The following PEAK1 variants were observed in gnomAD, a reference collection of about 807,000 sequenced individuals.
PEAK1 encodes the protein inactive tyrosine-protein kinase PEAK1.
Under a neutral mutation model 124.7 loss-of-function variants are expected in PEAK1, and 54 were observed. The ratio of observed to expected loss-of-function variants is 0.43; its 90% CI spans 0.35 to 0.54. The LOEUF is 0.54. Among genes scored for constraint, PEAK1 ranks in the 20% least tolerant of loss-of-function variants. The probability of loss-of-function intolerance (pLI) is 0.01; values close to 1 mark genes in which losing one functional copy is unlikely to be tolerated. For synonymous variants in PEAK1, 719 were observed against 760.0 expected (o/e 0.95, Z 0.89); for missense variants, 2,046 against 2,134.5 (o/e 0.96, Z 0.82).
At chr15:77,324,418 C>G (rs925388810) in intron 2 of PEAK1, among the ~76,000 whole-genome samples, 6 of 152,128 alleles carry the variant, frequency 3.9e-5, no homozygotes, top group African/African-American at 1.4e-4. Flanking sequence ...AAGGCGGAGG[C>G]TGCTGTGAGC....
chr15:77,397,734 G>A lies in PEAK1; in HGVS notation c.-666+22272C>T, dbSNP rs757053401. 2.4e-4 allele frequency among the ~76,000 whole-genome samples: 37 copies of A among 152,168 alleles called. 1 individual carries two copies. Among genetic ancestry groups the A allele is most frequent in the Non-Finnish European group, 7.4e-5 (5 of 67,990 alleles). ...CAACCTACAAAGATTGAATCATGAAGAAACCCAAAACCTGAACAGACCAAT... is the reference window on the plus strand; with the variant it reads ...CAACCTACAAAGATTGAATCATGAAAAAACCCAAAACCTGAACAGACCAAT... On this transcript the variant is annotated intron_variant, in intron 1 of 9. Transcript: ENST00000682557.
chr15:77,154,802 T>G (rs1226619457), intron 8 of PEAK1, among the ~76,000 whole-genome samples: 1 of 152,022 alleles, frequency 6.6e-6, no homozygotes, highest in African/African-American at 2.4e-5. Flanking sequence ...TTAAGAATGT[T>G]GAATATTGGC....
At chr15:77,239,219 G>C (rs11072646) in intron 6 of PEAK1, among the ~76,000 whole-genome samples, 3 of 152,224 alleles carry the variant, frequency 2.0e-5, no homozygotes, top group Non-Finnish European at 4.4e-5. Context: ...TTTACTATAC[G>C]TTCCCTTCTA....
chr15:77,104,855 A>G (rs1389865767), downstream of PEAK1: 2 of 152,218 alleles, frequency 1.3e-5, no homozygotes, highest in Non-Finnish European at 2.9e-5. Context: ...ACCTCACCAG[A>G]TTGTGAAGAT....
chr15:77,416,378 C>T (rs895728438), intron 1 of PEAK1, among the ~76,000 whole-genome samples: 2 of 152,152 alleles, frequency 1.3e-5, no homozygotes, highest in Non-Finnish European at 2.9e-5. Flanking sequence ...GTTAATAATA[C>T]TTCCTAAATC....
At position 77,272,662 on chromosome 15, in the gene PEAK1, CT is replaced by C. The variant is rs574545502; in HGVS notation, c.-275+11220del. Among the ~76,000 whole-genome samples, 243 of 152,216 alleles carry C rather than the reference CT, an allele frequency of 1.6e-3. 2 individuals are homozygous for C. Among genetic ancestry groups the C allele is most frequent in the African/African-American group, 5.7e-3 (237 of 41,542 alleles). On this transcript the variant is annotated intron_variant, in intron 5 of 9. Transcript: ENST00000682557. ...AGTCCAGGACTAGATGGATTCACAG[CT>C]GAATTCTATCAGACATTTAAAGAAG... is the stretch of plus-strand genomic sequence containing the variant.
intron 2 of PEAK1, among the ~76,000 whole-genome samples, chr15:77,322,943 G>C (rs997711893): frequency 1.3e-5 from 2 of 152,214 alleles, no homozygotes; most frequent in Non-Finnish European, 1.5e-5. Flanking sequence ...CCATGATCAA[G>C]AGGGCTTCAT....
chr15:77,334,078 T>G (rs1427399081), intron 2 of PEAK1: 1 of 801,008 alleles, frequency 1.2e-6, no homozygotes, highest in Non-Finnish European at 1.5e-6. Flanking sequence ...TATGTTATCC[T>G]GTAAGGTTTT....
intron 1 of PEAK1, among the ~76,000 whole-genome samples, chr15:77,410,698 T>C (rs957369200): frequency 1.3e-5 from 2 of 152,236 alleles, no homozygotes; most frequent in Admixed American, 6.5e-5. Flanking sequence ...ACTCAATGCA[T>C]TGGCTCTTTC....
rs191615504 is a variant in PEAK1, at chr15:77,343,765, T to C, written c.-603+21398A>G. The stretch of plus-strand genomic sequence containing the variant: ...CCTCCCAAAGTGCTGGGATTACAGG[T>C]GTGAGAAACCGCGCCGGCCTTATCT... On this transcript the variant is annotated intron_variant, in intron 2 of 9. Transcript: ENST00000682557. Among the ~76,000 whole-genome samples the C allele has an allele frequency of 2.8e-4, 42 of 152,000 alleles. 1 individual carries two copies. Among genetic ancestry groups the C allele is most frequent in the African/African-American group, 9.7e-4 (40 of 41,440 alleles).
At chr15:77,117,570 C>T (rs1288731036) in intron 9 of PEAK1, among the ~76,000 whole-genome samples, 10 of 152,090 alleles carry the variant, frequency 6.6e-5, no homozygotes, top group South Asian at 4.1e-4. Flanking sequence ...TTTTGAGTCC[C>T]GACAGCCACC....
At chr15:77,184,306 T>C (rs1005534253) in intron 6 of PEAK1, among the ~76,000 whole-genome samples, 3 of 152,012 alleles carry the variant, frequency 2.0e-5, no homozygotes, top group Admixed American at 2.0e-4. Flanking sequence ...TAAAATAAAA[T>C]TAAAACAAAA....
chr15:77,349,834 A>G, intron 2 of PEAK1: 2 of 985,436 alleles, frequency 2.0e-6, no homozygotes, highest in Non-Finnish European at 2.4e-6. Flanking sequence ...TGGAAAACTA[A>G]TTAAAAGAAA....
chr15:77,255,472 T>C lies in PEAK1; in HGVS notation c.-274-2946A>G, dbSNP rs1390507928. 6.5e-6 allele frequency: 5 copies of C among 767,034 alleles called. No homozygotes were observed. In the African/African-American group the frequency reaches 9.5e-5, roughly 15 times the overall value. The allele number at this position is 767,034 out of a possible 1,614,324, so 47.5% of individuals were successfully genotyped here. On this transcript the variant is annotated intron_variant, in intron 5 of 9. Coordinates refer to ENST00000682557, the MANE Select transcript of PEAK1 (RefSeq NM_001385026.1). ...ACCTTTCTGTTTTATTTCTTGACAA[T>C]GTTACAACGTTTTGGGAAAACATCA...
At chr15:77,362,478 T>TTAAAC (rs1378089688) in intron 2 of PEAK1, among the ~76,000 whole-genome samples, 5 of 152,156 alleles carry the variant, frequency 3.3e-5, no homozygotes, top group African/African-American at 1.2e-4. Flanking sequence ...AGTGGCTATA[T>TTAAAC]TAAACAAAAC....
At chr15:77,419,574 C>T (rs2073193509) in intron 1 of PEAK1, 1 of 985,068 alleles carries the variant, frequency 1.0e-6, no homozygotes, top group Admixed American at 6.2e-5. Context: ...ACCGTGTGGA[C>T]CCGGCAGGAG....
At chr15:77,417,841 A>C in intron 1 of PEAK1, 1 of 985,456 alleles carries the variant, frequency 1.0e-6, no homozygotes, top group Non-Finnish European at 1.2e-6. Context: ...GCATGAATTT[A>C]TAGCTGATGC....
At chr15:77,346,840 T>C in intron 2 of PEAK1, 1 of 670,056 alleles carries the variant, frequency 1.5e-6, no homozygotes, top group Non-Finnish European at 1.8e-6. Flanking sequence ...GATACAGCAG[T>C]AAACTAGACA....
chr15:77,213,240 T>A (rs1336694120), intron 6 of PEAK1, among the ~76,000 whole-genome samples: 1 of 152,074 alleles, frequency 6.6e-6, no homozygotes, highest in East Asian at 1.9e-4. Flanking sequence ...ATGGTCCCTA[T>A]ACACAAAGAA....
Sources: gnomAD v4.1 joint callset for allele counts (sites outside exome capture counted in the v4.1 genomes callset) on GRCh38, gnomAD v4.1.1 for gene constraint, MANE v1.5 for transcripts, NCBI Gene and HGNC (gene_info 2026-07-23, HGNC 2026-07-21) for gene names.